GEMIN5: variants seen among roughly 807,000 people sequenced by gnomAD.
GEMIN5 encodes gem nuclear organelle associated protein 5, also known as gem-associated protein 5.
Under a neutral mutation model 176.9 loss-of-function variants are expected in GEMIN5, and 124 were observed. That is an observed-to-expected ratio of 0.70 (90% CI 0.61 to 0.81). The LOEUF (loss-of-function observed/expected upper bound fraction) is 0.81. Among genes scored for constraint, GEMIN5 ranks in the 40% least tolerant of loss-of-function variants. The pLI is 0.00. For missense variants in GEMIN5, 1,843 were observed against 1,814.6 expected, an observed-to-expected ratio of 1.02 and a Z score of -0.28; for synonymous variants, 673 against 665.2, an observed-to-expected ratio of 1.01 and a Z score of -0.18.
intron 24 of GEMIN5, 167 bp from the exon 25 acceptor site, chr5:154,892,716 C>G (rs997631359): frequency 1.6e-6 from 1 of 619,322 alleles, no homozygotes; most frequent in East Asian, 2.8e-5. Flanking sequence ...ATCGGAAACT[C>G]TCATGTCTAG....
intron 5 of GEMIN5, 151 bp from the exon 6 acceptor site, chr5:154,928,810 T>A: frequency 1.5e-6 from 1 of 651,964 alleles, no homozygotes; most frequent in South Asian, 1.9e-5. Context: ...GGTTACAATT[T>A]TAACCATTAT....
rs1430352042 is a variant in GEMIN5 at position 154,901,202 on chromosome 5, T to C, written c.3014+137A>G. On this transcript the variant is annotated intron_variant, in intron 21 of 27. Coordinates refer to ENST00000285873, the MANE Select transcript of GEMIN5 (RefSeq NM_015465.5). ...TTAGTTGGATGTGGTGGCATGCACC[T>C]CCTGAGTAGTCCCAGTTACTCAGGG... 4 of 760,950 alleles carry C rather than the reference T, an allele frequency of 5.3e-6. No individual in the cohort carries two copies. The African/African-American group carries it at 7.0e-5, about 13-fold the overall frequency. 47.1% of individuals were successfully genotyped at this position (760,950 alleles called of 1,614,324 possible).
chr5:154,888,107 A>T lies in GEMIN5; in HGVS notation c.*103T>A, dbSNP rs1280569464. The T allele has an allele frequency of 3.6e-6, 4 of 1,119,010 alleles. No homozygotes were observed. Among genetic ancestry groups the T allele is most frequent in the Non-Finnish European group, 5.3e-6 (4 of 750,344 alleles). 69.3% of individuals were successfully genotyped at this position (1,119,010 alleles called of 1,614,324 possible). A position where few individuals can be genotyped will look rare whatever the true frequency, so the allele number is the denominator to read the frequency against. ...GTTTGTATTCTTTTGGATTACTGCA[A>T]AAACATCTAGGGACCAGAGTGAATG... On this transcript the variant is annotated 3_prime_UTR_variant, in exon 28 of 28. Coordinates refer to ENST00000285873, the MANE Select transcript of GEMIN5 (RefSeq NM_015465.5).
Position 154,925,911 on chromosome 5 carries a change from T to G in GEMIN5, c.1244A>C (p.Asn415Thr). The G allele has an allele frequency of 6.2e-7, 1 of 1,613,980 alleles. No homozygotes were observed. Among genetic ancestry groups the G allele is most frequent in the Non-Finnish European group, 8.5e-7 (1 of 1,179,828 alleles). ...RVWNTLSIKN[N>T]YDVKNFWQGV... ...TTGCCAAAAATTTTTCACATCATAG[T>G]TGTTCTTTATGGAGAGTGTATTCCA... Residue 415 changes from asparagine (N) to threonine (T), a missense_variant, in exon 8 of 28, where the codon AAC becomes ACC. By Grantham distance (65) the Asn-to-Thr change is moderately conservative. Coordinates refer to ENST00000285873, the MANE Select transcript of GEMIN5 (RefSeq NM_015465.5).
chr5:154,894,705 G>A (rs1366408774), intron 24 of GEMIN5, among the ~76,000 whole-genome samples: 2 of 152,092 alleles, frequency 1.3e-5, no homozygotes, highest in African/African-American at 2.4e-5. Context: ...AGGAGTTCGA[G>A]ACCAGCCTGG....
In GEMIN5 at chr5:154,896,128, C is replaced by G. The variant is rs1242246274; in HGVS notation, c.3561G>C (p.Lys1187Asn). ...GTGTGTTATTTGTAGCAGATGGGTA[C>G]TTGATGTTCTGCAGCTTCTGAAAGG... Reference protein sequence around the residue: ...QEAFQKLQNIKYPSATNNTPA... With the variant: ...QEAFQKLQNINYPSATNNTPA... The change falls in exon 24 of 28, where the codon AAG becomes AAC. Residue 1187 changes from lysine (K) to asparagine (N), a missense_variant. By Grantham distance (94) the Lys-to-Asn change is moderately conservative. Coordinates refer to ENST00000285873, the MANE Select transcript of GEMIN5 (RefSeq NM_015465.5). The G allele has an allele frequency of 1.9e-6, 3 of 1,613,770 alleles. No homozygotes were observed. The highest frequency in any genetic ancestry group is 2.5e-6 in the Non-Finnish European group (3 of 1,179,924).
At chr5:154,926,324 C>T (rs1490815153) in intron 7 of GEMIN5, among the ~76,000 whole-genome samples, 1 of 152,104 alleles carries the variant, frequency 6.6e-6, no homozygotes, top group African/African-American at 2.4e-5. Flanking sequence ...TAAACCAGAA[C>T]CCACGCCTCC....
At chr5:154,931,003 T>C (rs1009832400) in intron 5 of GEMIN5, among the ~76,000 whole-genome samples, 2 of 152,204 alleles carry the variant, frequency 1.3e-5, no homozygotes, top group South Asian at 2.1e-4. Flanking sequence ...AAAGAGACAT[T>C]TGGGAAAGCT....
chr5:154,919,914 A>G, intron 11 of GEMIN5, 53 bp downstream of exon 11: 1 of 1,526,816 alleles, frequency 6.5e-7, no homozygotes, highest in South Asian at 1.2e-5. Context: ...GATGGGAAAC[A>G]CAGAGGGATC....
intron 12 of GEMIN5, 73 bp from the exon 13 acceptor site, chr5:154,917,252 C>T: frequency 1.3e-6 from 1 of 769,008 alleles, no homozygotes; most frequent in Non-Finnish European, 2.0e-6. Flanking sequence ...ATAGTAGCTC[C>T]CTCATTCCGT....
Position 154,911,779 on chromosome 5 carries a change from A to G in GEMIN5, c.2115T>C (p.Phe705=), listed in dbSNP as rs373957146. The G allele has an allele frequency of 1.2e-6, 2 of 1,614,052 alleles. No individual in the cohort carries two copies. The highest frequency in any genetic ancestry group is 1.7e-6 in the Non-Finnish European group (2 of 1,179,888). Residue 705 remains phenylalanine, a synonymous_variant, in exon 15 of 28, where the codon TTT becomes TTC. Coordinates refer to ENST00000285873, the MANE Select transcript of GEMIN5 (RefSeq NM_015465.5). ...TGGAAGTGAGCCACTTGTGCACACAAAAGTCATCTGCCCCTGAATAGATGC... is the reference window on the plus strand; with the variant it reads ...TGGAAGTGAGCCACTTGTGCACACAGAAGTCATCTGCCCCTGAATAGATGC... ...PDCIYSGADD[F]CVHKWLTSMQ... is the part of the protein sequence containing the mutation.
intron 11 of GEMIN5, among the ~76,000 whole-genome samples, 194 bp from the exon 12 acceptor site, chr5:154,918,198 A>C (rs545907037): frequency 6.6e-6 from 1 of 152,342 alleles, no homozygotes; most frequent in African/African-American, 2.4e-5. Context: ...ACTGGGCCAA[A>C]AAAACAAAAC....
At chr5:154,898,231 T>G (rs1763394425) in intron 23 of GEMIN5, among the ~76,000 whole-genome samples, 2 of 152,156 alleles carry the variant, frequency 1.3e-5, no homozygotes, top group South Asian at 4.1e-4. Flanking sequence ...AGATAAGCAA[T>G]GGGAATTACT....
Position 154,927,483 on chromosome 5 carries a change from A to G in GEMIN5, c.982T>C (p.Ser328Pro). ...RRKYTLFSAS[S>P]EGQNHSRIVF... ...ATTCTTGAATGATTTTGCCCTTCTG[A>G]TGAGGCACTGAAGAGGGTGTATTTC... The change falls in exon 7 of 28, where the codon TCA becomes CCA. Residue 328 changes from serine to proline, a missense_variant. Ser to Pro is a moderately conservative substitution (Grantham distance 74). Coordinates refer to ENST00000285873, the MANE Select transcript of GEMIN5 (RefSeq NM_015465.5). 1 of 1,609,840 alleles carries G rather than the reference A, an allele frequency of 6.2e-7. No individual in the cohort carries two copies.
intron 13 of GEMIN5, among the ~76,000 whole-genome samples, chr5:154,914,638 G>A (rs1763776827): frequency 6.6e-6 from 1 of 151,638 alleles, no homozygotes; most frequent in Non-Finnish European, 1.5e-5. Context: ...CTCAGCCTGT[G>A]AGTAACTGGG....
Position 154,888,865 on chromosome 5 carries a change from G to GTTTTGT in GEMIN5, c.4359+455_4359+456insACAAAA, listed in dbSNP as rs34021306. ...ATTCTAAATTCTTTTTTTTTGTTTT[G>GTTTTGT]TTTTTTTTTTGAGACAGAGTCTCGC... is the stretch of plus-strand genomic sequence containing the variant. On this transcript the variant is annotated intron_variant, in intron 27 of 27. Coordinates refer to ENST00000285873, the MANE Select transcript of GEMIN5 (RefSeq NM_015465.5). 8.6e-3 allele frequency among the ~76,000 whole-genome samples: 1,266 copies of GTTTTGT among 147,456 alleles called. 7 individuals carry two copies. Among genetic ancestry groups the GTTTTGT allele is most frequent in the Non-Finnish European group, 0.011 (717 of 66,530 alleles).
chr5:154,905,399 T>A lies in GEMIN5; in HGVS notation c.2473A>T (p.Ile825Phe), dbSNP rs763684598. ...TTTGGTGGCTCCTTTTTCAGTAAAA[T>A]GACTTTGTTATTAATGGTGACTTTT... is the stretch of plus-strand genomic sequence containing the variant. ...KSKVTINNKV[I>F]LLKKEPPKEK... The change falls in exon 17 of 28, where the codon ATT (isoleucine) becomes TTT (phenylalanine). Residue 825 changes from isoleucine (I) to phenylalanine (F), a missense_variant. Physicochemically the swap from Ile to Phe is conservative, Grantham distance 21 (BLOSUM62 0). Coordinates refer to ENST00000285873, the MANE Select transcript of GEMIN5 (RefSeq NM_015465.5). 2.5e-6 allele frequency: 4 copies of A among 1,607,264 alleles called. No individual in the cohort carries two copies. Among genetic ancestry groups the A allele is most frequent in the African/African-American group, 2.7e-5 (2 of 74,764 alleles).
In GEMIN5 at chr5:154,898,912, T is replaced by TG. The variant is rs1763410661; in HGVS notation, c.3135-263dup. Among the ~76,000 whole-genome samples, 11 of 152,304 alleles carry TG rather than the reference T, an allele frequency of 7.2e-5. 1 individual carries two copies. The South Asian group carries it at 2.1e-3, about 29-fold the overall frequency. On this transcript the variant is annotated intron_variant, in intron 22 of 27. Coordinates refer to ENST00000285873, the MANE Select transcript of GEMIN5 (RefSeq NM_015465.5). Reference sequence around the variant, plus strand: ...CTGTTGGGTTCAATCCAGCATGGGTTGAGGTTCCTTTATTTGATGTTATAA... The same window carrying TG: ...CTGTTGGGTTCAATCCAGCATGGGTTGGAGGTTCCTTTATTTGATGTTATAA...
intron 9 of GEMIN5, among the ~76,000 whole-genome samples, chr5:154,923,884 A>G (rs1582671161): frequency 6.6e-6 from 1 of 152,306 alleles, no homozygotes; most frequent in East Asian, 1.9e-4. Flanking sequence ...ACAGGTCTGG[A>G]TTCTAATCAA....
Sources: gnomAD v4.1 joint callset for allele counts (sites outside exome capture counted in the v4.1 genomes callset) on GRCh38, gnomAD v4.1.1 for gene constraint, MANE v1.5 for transcripts, NCBI Gene and HGNC (gene_info 2026-07-23, HGNC 2026-07-21) for gene names.